SIK3: variants seen among roughly 807,000 people sequenced by gnomAD.
SIK3 encodes the protein SIK family kinase 3.
In SIK3, 28 loss-of-function variants were observed where a neutral mutation model predicts 144.2. The ratio of observed to expected loss-of-function variants is 0.19; its 90% CI spans 0.14 to 0.27. The LOEUF is 0.27. Among genes scored for constraint, SIK3 ranks in the 10% least tolerant of loss-of-function variants. SIK3 has a pLI of 1.00. For synonymous variants in SIK3, 686 were observed against 676.3 expected (o/e 1.01, Z -0.22); for missense variants, 1,319 against 1,776.0 (o/e 0.74, Z 4.62).
At chr11:116,950,195 T>G (rs1244498740) in intron 3 of SIK3, 1 of 469,898 alleles carries the variant, frequency 2.1e-6, no homozygotes, top group Admixed American at 2.4e-5. Context: ...TAACTGCACT[T>G]CTCCAGGACT....
chr11:117,063,107 C>T (rs1953869868), intron 1 of SIK3, among the ~76,000 whole-genome samples: 1 of 152,146 alleles, frequency 6.6e-6, no homozygotes, highest in Admixed American at 6.5e-5. Flanking sequence ...ACTCCTTGTA[C>T]AATATTTAAA....
At chr11:117,080,010 G>T (rs1003469139) in intron 1 of SIK3, among the ~76,000 whole-genome samples, 2 of 151,794 alleles carry the variant, frequency 1.3e-5, no homozygotes, top group Admixed American at 1.3e-4. Flanking sequence ...CTCCAGCCTG[G>T]GTGACAGAGT....
At chr11:116,866,863 C>T (rs1943675224) in intron 15 of SIK3, among the ~76,000 whole-genome samples, 1 of 152,192 alleles carries the variant, frequency 6.6e-6, no homozygotes, top group Non-Finnish European at 1.5e-5. Flanking sequence ...TCCTGACAGA[C>T]CATTTTTACC....
chr11:117,062,204 G>A (rs562745293), intron 1 of SIK3, among the ~76,000 whole-genome samples: 13 of 152,070 alleles, frequency 8.5e-5, no homozygotes, highest in Admixed American at 2.6e-4. Flanking sequence ...CACTGTGCCC[G>A]GCCTGCTAAT....
chr11:117,077,615 C>G (rs1393777030), intron 1 of SIK3, among the ~76,000 whole-genome samples: 1 of 151,996 alleles, frequency 6.6e-6, no homozygotes, highest in East Asian at 1.9e-4. Context: ...TCAAGGGTAA[C>G]AAATCAACAA....
intron 1 of SIK3, among the ~76,000 whole-genome samples, chr11:117,010,845 C>T (rs142355452): frequency 4.6e-5 from 7 of 152,282 alleles, no homozygotes; most frequent in African/African-American, 1.7e-4. Context: ...GTAGGCCAGG[C>T]ACGGTGGCTC....
At chr11:116,983,298 G>A (rs909714981) in intron 1 of SIK3, among the ~76,000 whole-genome samples, 2 of 150,826 alleles carry the variant, frequency 1.3e-5, no homozygotes, top group African/African-American at 4.9e-5. Context: ...TTGGAAGGCT[G>A]AGGTGGATGG....
At chr11:116,972,086 C>CA (rs35775477) in intron 1 of SIK3, among the ~76,000 whole-genome samples, 2,382 of 111,858 alleles carry the variant, frequency 0.021, 29 homozygotes, top group Non-Finnish European at 0.029. Flanking sequence ...GACTCGGTCT[C>CA]AAAAAAAAAA....
At chr11:117,073,474 T>C (rs2136011121) in intron 1 of SIK3, among the ~76,000 whole-genome samples, 2 of 152,364 alleles carry the variant, frequency 1.3e-5, no homozygotes, top group Middle Eastern at 6.8e-3. Flanking sequence ...ATCTCAGCTC[T>C]ACCACTTACA....
At chr11:117,004,974 G>T (rs1323502848) in intron 1 of SIK3, among the ~76,000 whole-genome samples, 1 of 152,154 alleles carries the variant, frequency 6.6e-6, no homozygotes, top group Non-Finnish European at 1.5e-5. Context: ...GGAAGGAAAT[G>T]GTAAATGTTG....
At chr11:116,950,270 T>A (rs1406630880) in intron 3 of SIK3, 1 of 402,116 alleles carries the variant, frequency 2.5e-6, no homozygotes, top group South Asian at 1.8e-5. Flanking sequence ...GGAAGAAAGC[T>A]GCTATTCAGA....
At chr11:117,083,941 T>C (rs1342285615) in intron 1 of SIK3, among the ~76,000 whole-genome samples, 2 of 152,212 alleles carry the variant, frequency 1.3e-5, no homozygotes, top group Admixed American at 6.5e-5. Context: ...CACTGACTCA[T>C]TACCAAATTC....
At chr11:117,022,581 T>A (rs1951824287) in intron 1 of SIK3, among the ~76,000 whole-genome samples, 1 of 152,218 alleles carries the variant, frequency 6.6e-6, no homozygotes, top group African/African-American at 2.4e-5. Context: ...GACACTTTCA[T>A]CTGCCTGTGA....
At chr11:117,066,589 G>A (rs1168614435) in intron 1 of SIK3, among the ~76,000 whole-genome samples, 2 of 146,088 alleles carry the variant, frequency 1.4e-5, no homozygotes, top group Non-Finnish European at 3.0e-5. Flanking sequence ...AAGTTGGAGT[G>A]CAATGGCACC....
At chr11:116,960,561 A>C (rs1256759608) in intron 1 of SIK3, among the ~76,000 whole-genome samples, 2 of 152,200 alleles carry the variant, frequency 1.3e-5, no homozygotes, top group African/African-American at 4.8e-5. Flanking sequence ...ACCAAAGTGA[A>C]GCTTTATTTA....
chr11:117,072,589 T>C (rs1954329734), intron 1 of SIK3, among the ~76,000 whole-genome samples: 1 of 152,160 alleles, frequency 6.6e-6, no homozygotes, highest in Admixed American at 6.5e-5. Context: ...CACTCGCTAA[T>C]ACATATGAAA....
intron 4 of SIK3, among the ~76,000 whole-genome samples, chr11:116,916,219 C>T (rs552020737): frequency 1.7e-4 from 26 of 152,190 alleles, no homozygotes; most frequent in Middle Eastern, 3.4e-3. Context: ...CAAAGACGAG[C>T]CAAAGACCAC....
Position 116,867,042 on chromosome 11 carries a change from G to T in SIK3, c.1952+904C>A, listed in dbSNP as rs996785190. ...AAATGTGTCAAGCTTGCCAGTGCAAGCTGGCTGCAAGATTTCATAACACCA... is the reference window on the plus strand; with the variant it reads ...AAATGTGTCAAGCTTGCCAGTGCAATCTGGCTGCAAGATTTCATAACACCA... On this transcript the variant is annotated intron_variant, in intron 15 of 24. Coordinates refer to ENST00000445177, the MANE Select transcript of SIK3 (RefSeq NM_001366686.3). The surrounding 1 kb of genome is among the most constrained non-coding windows in gnomAD (Gnocchi z 4.1). Among the ~76,000 whole-genome samples, 4 of 152,310 alleles carry T rather than the reference G, an allele frequency of 2.6e-5. No individual in the cohort carries two copies. In the South Asian group the frequency reaches 6.2e-4, roughly 24 times the overall value.
At chr11:116,914,108 CA>C (rs892685044) in intron 4 of SIK3, among the ~76,000 whole-genome samples, 2 of 146,922 alleles carry the variant, frequency 1.4e-5, no homozygotes, top group African/African-American at 2.5e-5. Context: ...AACAAACAAA[CA>C]AAAAAAAACT....
Sources: gnomAD v4.1 joint callset for allele counts (sites outside exome capture counted in the v4.1 genomes callset) on GRCh38, gnomAD v4.1.1 for gene constraint, Gnocchi (gnomAD v3.1) non-coding constraint, MANE v1.5 for transcripts, NCBI Gene and HGNC (gene_info 2026-07-23, HGNC 2026-07-21) for gene names.